PLCXD3: variants seen among roughly 807,000 people sequenced by gnomAD.
PLCXD3 encodes PI-PLC X domain-containing protein 3.
In PLCXD3, 19 loss-of-function variants were observed where a neutral mutation model predicts 25.5. That is an observed-to-expected ratio of 0.75 (90% CI 0.52 to 1.09). The LOEUF is 1.09. Ranked by LOEUF, PLCXD3 falls within the 50% of genes least tolerant of loss-of-function variation. PLCXD3 has a pLI of 0.00. For synonymous variants in PLCXD3, 174 were observed against 137.6 expected (o/e 1.26, Z -1.85); for missense variants, 411 against 388.1 (o/e 1.06, Z -0.50).
chr5:41,325,731 A>G (rs1025328763), intron 2 of PLCXD3, among the ~76,000 whole-genome samples: 7 of 152,230 alleles, frequency 4.6e-5, no homozygotes, highest in Non-Finnish European at 1.0e-4. Context: ...AATGCCACCA[A>G]TGTAACAATT....
chr5:41,341,219 G>T (rs1337467887), intron 2 of PLCXD3, among the ~76,000 whole-genome samples: 1 of 152,144 alleles, frequency 6.6e-6, no homozygotes, highest in Non-Finnish European at 1.5e-5. Context: ...CACTAATGGA[G>T]TATGTATGGA....
At chr5:41,403,408 T>TTTTTTTTTTGTTTTTG (rs1554047966) in intron 1 of PLCXD3, among the ~76,000 whole-genome samples, 7 of 26,248 alleles carry the variant, frequency 2.7e-4, no homozygotes, top group Non-Finnish European at 3.8e-4. Context: ...GTTGTTTTTT[T>TTTTTTTTTTGTTTTTG]TTTTTTTTAT....
chr5:41,368,489 A>G (rs1407199137), intron 2 of PLCXD3, among the ~76,000 whole-genome samples: 2 of 152,216 alleles, frequency 1.3e-5, no homozygotes, highest in Non-Finnish European at 2.9e-5. Flanking sequence ...AAACAAAGAT[A>G]GTTTGACTTT....
At chr5:41,432,220 T>C (rs531110187) in intron 1 of PLCXD3, among the ~76,000 whole-genome samples, 1 of 152,350 alleles carries the variant, frequency 6.6e-6, no homozygotes, top group African/African-American at 2.4e-5. Context: ...ATAATATTAC[T>C]GTCCTCCCTC....
intron 1 of PLCXD3, among the ~76,000 whole-genome samples, chr5:41,442,440 T>G (rs1747405689): frequency 6.6e-6 from 1 of 152,210 alleles, no homozygotes; most frequent in African/African-American, 2.4e-5. Flanking sequence ...ACCAGAGTAC[T>G]GCTAACCTGC....
At chr5:41,317,316 C>T (rs537781789) in intron 2 of PLCXD3, among the ~76,000 whole-genome samples, 21 of 152,158 alleles carry the variant, frequency 1.4e-4, no homozygotes, top group Non-Finnish European at 2.9e-4. Flanking sequence ...CTTGGGGTGC[C>T]CCCTAAAGCA....
chr5:41,389,364 G>A (rs1369370201), intron 1 of PLCXD3, among the ~76,000 whole-genome samples: 1 of 152,132 alleles, frequency 6.6e-6, no homozygotes, highest in East Asian at 1.9e-4. Context: ...AGCAGTGTGA[G>A]AGTAATTAAG....
rs58098437 is a variant in PLCXD3, at chr5:41,465,353, C to CTTTTTTTTTTTTTTTT, written c.103+45055_103+45070dup. On this transcript the variant is annotated intron_variant, in intron 1 of 2. Transcript: ENST00000377801. Reference sequence around the variant, plus strand: ...TCCTACTTTCCCCACTAGTTCTTGTCTTTTTTTTTTTTTTTTTTTTTTTTT... The same window carrying CTTTTTTTTTTTTTTTT: ...TCCTACTTTCCCCACTAGTTCTTGTCTTTTTTTTTTTTTTTTTTTTTTTTTTTTTTTTTTTTTTTTT... Among the ~76,000 whole-genome samples, 32 of 13,230 alleles carry CTTTTTTTTTTTTTTTT rather than the reference C, an allele frequency of 2.4e-3. 7 individuals carry two copies. The South Asian group carries it at 0.026, about 11-fold the overall frequency. 8.7% of individuals were successfully genotyped at this position (13,230 alleles called of 152,430 possible).
At chr5:41,415,627 T>A (rs1746675294) in intron 1 of PLCXD3, among the ~76,000 whole-genome samples, 2 of 152,220 alleles carry the variant, frequency 1.3e-5, no homozygotes, top group Admixed American at 1.3e-4. Flanking sequence ...CCATTCTGCA[T>A]TTAGTAGGTA....
intron 1 of PLCXD3, among the ~76,000 whole-genome samples, chr5:41,432,333 A>C (rs1747131377): frequency 6.6e-6 from 1 of 152,198 alleles, no homozygotes; most frequent in Non-Finnish European, 1.5e-5. Flanking sequence ...AAATTCAGGT[A>C]AGTTTATCGA....
intron 1 of PLCXD3, among the ~76,000 whole-genome samples, chr5:41,404,407 TA>T (rs1374852817): frequency 1.7e-4 from 25 of 149,850 alleles, no homozygotes; most frequent in Non-Finnish European, 2.2e-4. Flanking sequence ...ACCTGAGAAT[TA>T]AAAAAAAAAT....
At chr5:41,395,520 AC>A (rs1284879544) in intron 1 of PLCXD3, among the ~76,000 whole-genome samples, 1 of 152,104 alleles carries the variant, frequency 6.6e-6, no homozygotes, top group Non-Finnish European at 1.5e-5. Flanking sequence ...TATCAATGAA[AC>A]AAAAAGTTGA....
rs557746481 is a variant in PLCXD3 at position 41,503,140 on chromosome 5, T to C, written c.103+7284A>G. Among the ~76,000 whole-genome samples, 43 of 152,326 alleles carry C rather than the reference T, an allele frequency of 2.8e-4. No individual in the cohort carries two copies. The South Asian group carries it at 7.9e-3, about 28-fold the overall frequency. ...AGACATGCATTGAAGATAAGTCCTATCTGCCCACTAGGACTGCAAGTGCAG... is the reference window on the plus strand; with the variant it reads ...AGACATGCATTGAAGATAAGTCCTACCTGCCCACTAGGACTGCAAGTGCAG... On this transcript the variant is annotated intron_variant, in intron 1 of 2. Coordinates refer to ENST00000377801, the MANE Select transcript of PLCXD3 (RefSeq NM_001005473.3).
Position 41,312,569 on chromosome 5 carries a change from T to TCCTC in PLCXD3, c.*1044_*1047dup, listed in dbSNP as rs1270026215. Reference sequence around the variant, plus strand: ...TCTCTTCCTCCCTCCCTCCCTCTCTTCCTCCCTCCCTCCCTCTCTTCCTTC... The same window carrying TCCTC: ...TCTCTTCCTCCCTCCCTCCCTCTCTTCCTCCCTCCCTCCCTCCCTCTCTTCCTTC... On this transcript the variant is annotated 3_prime_UTR_variant, in exon 3 of 3. Coordinates refer to ENST00000377801, the MANE Select transcript of PLCXD3 (RefSeq NM_001005473.3). The TCCTC allele has an allele frequency of 6.7e-6, 1 of 148,186 alleles. No homozygotes were observed. The highest frequency in any genetic ancestry group is 2.5e-5 in the African/African-American group (1 of 40,602). 9.2% of individuals were successfully genotyped at this position (148,186 alleles called of 1,614,324 possible).
intron 1 of PLCXD3, among the ~76,000 whole-genome samples, chr5:41,476,980 T>C (rs894012708): frequency 6.6e-6 from 1 of 152,198 alleles, no homozygotes; most frequent in African/African-American, 2.4e-5. Flanking sequence ...GATAGTCATG[T>C]TTTTCTGTCA....
chr5:41,382,545 A>T lies in PLCXD3; in HGVS notation c.104-11T>A, dbSNP rs76547469. ...AGGAATCATGAGACCCTAGGAGAAT[A>T]ACAAGGCATAGTGTGGTTAATTTCC... On this transcript the variant is annotated splice_polypyrimidine_tract_variant and intron_variant, in intron 1 of 2. Coordinates refer to ENST00000377801, the MANE Select transcript of PLCXD3 (RefSeq NM_001005473.3). 0.056 allele frequency: 87,887 copies of T among 1,573,172 alleles called. 2,720 individuals are homozygous for T. The highest frequency in any genetic ancestry group is 0.062 in the Non-Finnish European group (72,274 of 1,162,508).
chr5:41,336,807 C>CT (rs1741974854), intron 2 of PLCXD3, among the ~76,000 whole-genome samples: 1 of 152,170 alleles, frequency 6.6e-6, no homozygotes, highest in African/African-American at 2.4e-5. Context: ...TTTGTTCTGA[C>CT]TGCATCACAG....
chr5:41,414,325 C>T (rs1367976065), intron 1 of PLCXD3, among the ~76,000 whole-genome samples: 2 of 152,068 alleles, frequency 1.3e-5, no homozygotes, highest in Non-Finnish European at 2.9e-5. Flanking sequence ...ACCTCCGCCT[C>T]ACCAGTAGCT....
chr5:41,403,230 C>G (rs930127617), intron 1 of PLCXD3, among the ~76,000 whole-genome samples: 1 of 150,094 alleles, frequency 6.7e-6, no homozygotes, highest in Admixed American at 6.7e-5. Context: ...TTTTCAATAT[C>G]ACTTTAGGGG....
Sources: gnomAD v4.1 joint callset for allele counts (sites outside exome capture counted in the v4.1 genomes callset) on GRCh38, gnomAD v4.1.1 for gene constraint, MANE v1.5 for transcripts, NCBI Gene and HGNC (gene_info 2026-07-23, HGNC 2026-07-21) for gene names.